Variants in PRKN observed in about 807,000 individuals in gnomAD.
The protein encoded by PRKN is parkin RBR E3 ubiquitin protein ligase.
In PRKN, 56 loss-of-function variants were observed where a neutral mutation model predicts 59.5. The ratio of observed to expected loss-of-function variants is 0.94; its 90% CI spans 0.76 to 1.18. PRKN has a LOEUF of 1.18. PRKN is among the 50% of genes most tolerant of loss of function. The pLI is 0.00. For synonymous variants in PRKN, 250 were observed against 222.1 expected (o/e 1.13, Z -1.12); for missense variants, 657 against 596.4 (o/e 1.10, Z -1.06).
chr6:161,874,378 ATAAAATATATATTATATG>A (rs1244815796), intron 6 of PRKN, among the ~76,000 whole-genome samples: 4 of 91,910 alleles, frequency 4.4e-5, no homozygotes, highest in African/African-American at 1.8e-4. Context: ...AATATTATAT[ATAAAATATATATTATATG>A]TAAAATATTA....
At chr6:162,466,005 T>A (rs1791396351) in intron 1 of PRKN, among the ~76,000 whole-genome samples, 1 of 152,208 alleles carries the variant, frequency 6.6e-6, no homozygotes, top group Non-Finnish European at 1.5e-5. Context: ...AATAACAAAG[T>A]GTTGAAAGAA....
intron 4 of PRKN, among the ~76,000 whole-genome samples, chr6:162,168,949 AC>A (rs1403400751): frequency 6.6e-6 from 1 of 152,214 alleles, no homozygotes; most frequent in African/African-American, 2.4e-5. Context: ...TTGTTCTGAT[AC>A]GTATTTCTGT....
At chr6:161,904,644 G>GT (rs1164569504) in intron 6 of PRKN, among the ~76,000 whole-genome samples, 1 of 152,080 alleles carries the variant, frequency 6.6e-6, no homozygotes, top group African/African-American at 2.4e-5. Context: ...CACATTCCCT[G>GT]TGAGGTAAGA....
intron 7 of PRKN, among the ~76,000 whole-genome samples, chr6:161,668,802 G>T (rs1356013554): frequency 6.6e-6 from 1 of 152,134 alleles, no homozygotes; most frequent in Non-Finnish European, 1.5e-5. Flanking sequence ...AGCATGTTGT[G>T]GTGACAGTGA....
intron 6 of PRKN, among the ~76,000 whole-genome samples, chr6:161,793,017 C>A (rs1162094816): frequency 6.6e-6 from 1 of 152,180 alleles, no homozygotes; most frequent in African/African-American, 2.4e-5. Context: ...GTAACCGGCA[C>A]AGCGCCTGCC....
At chr6:161,994,767 C>T (rs1781778330) in intron 5 of PRKN, among the ~76,000 whole-genome samples, 1 of 151,706 alleles carries the variant, frequency 6.6e-6, no homozygotes, top group Non-Finnish European at 1.5e-5. Context: ...AGGTAGAAGA[C>T]CTTTGCAAGG....
intron 3 of PRKN, among the ~76,000 whole-genome samples, chr6:162,243,170 C>T (rs1476370372): frequency 6.6e-6 from 1 of 151,944 alleles, no homozygotes; most frequent in Admixed American, 6.6e-5. Context: ...TTGAGATGGG[C>T]TCAATTTATC....
intron 3 of PRKN, among the ~76,000 whole-genome samples, chr6:162,221,490 G>T (rs1004421917): frequency 1.3e-5 from 2 of 152,114 alleles, no homozygotes; most frequent in Admixed American, 6.5e-5. Flanking sequence ...GCTTTATTCA[G>T]TAATTCATAG....
At chr6:162,009,279 G>C (rs987517243) in intron 5 of PRKN, among the ~76,000 whole-genome samples, 9 of 151,572 alleles carry the variant, frequency 5.9e-5, no homozygotes, top group Admixed American at 1.3e-4. Flanking sequence ...AAAGAGGTGA[G>C]ATACTACATT....
At chr6:162,381,778 G>C (rs1446570944) in intron 2 of PRKN, among the ~76,000 whole-genome samples, 1 of 152,094 alleles carries the variant, frequency 6.6e-6, no homozygotes, top group Admixed American at 6.5e-5. Flanking sequence ...AAATAGCTGG[G>C]TGGATGAAGT....
intron 9 of PRKN, among the ~76,000 whole-genome samples, chr6:161,542,098 G>C (rs181886144): frequency 6.6e-6 from 1 of 152,058 alleles, no homozygotes; most frequent in Non-Finnish European, 1.5e-5. Context: ...CCTTTATGGC[G>C]ATCTACTTCC....
intron 9 of PRKN, among the ~76,000 whole-genome samples, chr6:161,424,336 CAAAAAA>C (rs56268660): frequency 2.7e-5 from 3 of 109,206 alleles, no homozygotes; most frequent in Admixed American, 9.5e-5. Flanking sequence ...GATTCTGTCT[CAAAAAA>C]AAAAAAAAAA....
chr6:162,008,729 A>G (rs1782359548), intron 5 of PRKN, among the ~76,000 whole-genome samples: 2 of 152,206 alleles, frequency 1.3e-5, no homozygotes. Flanking sequence ...AACTTATTAT[A>G]TGAGAAAAAG....
intron 3 of PRKN, 37 bp from the exon 4 acceptor site, chr6:162,201,289 C>T (rs763270963): frequency 1.9e-6 from 3 of 1,608,656 alleles, no homozygotes; most frequent in South Asian, 2.2e-5. Flanking sequence ...GCTAATAATG[C>T]TGCATCTAAA....
At chr6:161,967,735 T>C (rs7762314) in intron 6 of PRKN, among the ~76,000 whole-genome samples, 6,237 of 152,296 alleles carry the variant, frequency 0.041, 393 homozygotes, top group African/African-American at 0.14. Flanking sequence ...AAGTCACAGC[T>C]ACCTTTGTGG....
chr6:162,222,463 T>C (rs1009322744), intron 3 of PRKN, among the ~76,000 whole-genome samples: 8 of 152,258 alleles, frequency 5.3e-5, no homozygotes, highest in East Asian at 1.9e-4. Flanking sequence ...TGTCAGGGCA[T>C]TGCAGGAGCC....
intron 6 of PRKN, among the ~76,000 whole-genome samples, chr6:161,820,030 A>T (rs993595567): frequency 3.3e-5 from 5 of 152,204 alleles, no homozygotes; most frequent in Non-Finnish European, 5.9e-5. Flanking sequence ...TAGTAAAAAC[A>T]TGCTATTATC....
chr6:161,793,830 A>G (rs900419130), intron 6 of PRKN, among the ~76,000 whole-genome samples: 1 of 152,214 alleles, frequency 6.6e-6, no homozygotes, highest in Non-Finnish European at 1.5e-5. Flanking sequence ...AATATTGTAA[A>G]TATGTTACAA....
chr6:161,949,196 C>T (rs1419921241), intron 6 of PRKN, among the ~76,000 whole-genome samples: 3 of 152,218 alleles, frequency 2.0e-5, no homozygotes, highest in Admixed American at 6.5e-5. Context: ...AAAGCATAAA[C>T]TGGTCACTCT....
Sources: gnomAD v4.1 joint callset for allele counts (sites outside exome capture counted in the v4.1 genomes callset) on GRCh38, gnomAD v4.1.1 for gene constraint, MANE v1.5 for transcripts, NCBI Gene and HGNC (gene_info 2026-07-23, HGNC 2026-07-21) for gene names.